CCDC138: variants seen among roughly 807,000 people sequenced by gnomAD.
CCDC138 encodes coiled-coil domain containing 138.
In CCDC138, 66 loss-of-function variants were observed where a neutral mutation model predicts 82.3. The ratio of observed to expected loss-of-function variants is 0.80; its 90% confidence interval spans 0.66 to 0.98. CCDC138 has a LOEUF of 0.98. CCDC138 is among the 50% of genes least tolerant of loss of function. The probability of loss-of-function intolerance (pLI) is 0.00; values close to 1 mark genes in which losing one functional copy is unlikely to be tolerated. For synonymous variants in CCDC138, 297 were observed against 265.4 expected (o/e 1.12, Z -1.16); for missense variants, 816 against 758.9 (o/e 1.08, Z -0.88).
At chr2:108,794,251 C>T (rs1680468957) in intron 4 of CCDC138, among the ~76,000 whole-genome samples, 1 of 152,020 alleles carries the variant, frequency 6.6e-6, no homozygotes, top group African/African-American at 2.4e-5. Flanking sequence ...AGGTTGCTTT[C>T]CATTTCTTGG....
chr2:108,809,196 C>T (rs1683349056), intron 7 of CCDC138, among the ~76,000 whole-genome samples: 1 of 152,124 alleles, frequency 6.6e-6, no homozygotes, highest in Non-Finnish European at 1.5e-5. Flanking sequence ...TATGCCAATA[C>T]TATGCTGTTC....
intron 12 of CCDC138, among the ~76,000 whole-genome samples, chr2:108,849,401 G>A (rs1691043027): frequency 6.6e-6 from 1 of 152,014 alleles, no homozygotes; most frequent in African/African-American, 2.4e-5. Context: ...CTTTTCCTTA[G>A]CCTCCTCTAG....
intron 13 of CCDC138, among the ~76,000 whole-genome samples, chr2:108,872,892 C>T (rs1695497438): frequency 6.6e-6 from 1 of 152,174 alleles, no homozygotes; most frequent in Non-Finnish European, 1.5e-5. Flanking sequence ...CAAGTCTTAA[C>T]TTGTAATAGC....
chr2:108,795,138 T>G (rs1573931019), intron 5 of CCDC138, among the ~76,000 whole-genome samples: 1 of 150,292 alleles, frequency 6.7e-6, no homozygotes, highest in Non-Finnish European at 1.5e-5. Flanking sequence ...GGGTTTTTTG[T>G]TTCTAAAGTG....
chr2:108,805,508 G>A (rs1308360774), intron 7 of CCDC138, among the ~76,000 whole-genome samples: 3 of 151,820 alleles, frequency 2.0e-5, no homozygotes, highest in Admixed American at 6.6e-5. Flanking sequence ...GGCGGATCAC[G>A]AGGTCAGGAG....
At chr2:108,786,950 C>T (rs1191519444) in intron 1 of CCDC138, 35 bp downstream of exon 1, 3 of 1,426,444 alleles carry the variant, frequency 2.1e-6, no homozygotes, top group Non-Finnish European at 1.9e-6. Context: ...GGGTGGGCTC[C>T]TGCTGCTGGG....
intron 10 of CCDC138, among the ~76,000 whole-genome samples, chr2:108,821,184 C>T (rs767024536): frequency 3.9e-5 from 6 of 151,948 alleles, no homozygotes; most frequent in African/African-American, 7.3e-5. Context: ...ATGGTGAAAC[C>T]CCATCTCTAC....
intron 13 of CCDC138, among the ~76,000 whole-genome samples, chr2:108,863,509 G>T (rs1193315108): frequency 1.3e-5 from 2 of 152,166 alleles, no homozygotes; most frequent in Non-Finnish European, 2.9e-5. Context: ...AAACAAGCTG[G>T]GGTGCTCATT....
chr2:108,853,966 AAATATATAT>A (rs1692071016), intron 12 of CCDC138, among the ~76,000 whole-genome samples: 1 of 111,598 alleles, frequency 9.0e-6, no homozygotes, highest in African/African-American at 3.6e-5. Context: ...ATATATAATA[AAATATATAT>A]AATATATAAT....
chr2:108,869,169 C>T (rs571169958), intron 13 of CCDC138, among the ~76,000 whole-genome samples: 129 of 152,140 alleles, frequency 8.5e-4, no homozygotes, highest in Admixed American at 1.4e-3. Context: ...TAAATAGCTA[C>T]AGACAGACTA....
intron 13 of CCDC138, among the ~76,000 whole-genome samples, chr2:108,873,075 G>A (rs931694268): frequency 1.5e-4 from 23 of 151,654 alleles, no homozygotes; most frequent in African/African-American, 5.6e-4. Context: ...TCTTTGATTT[G>A]TTTTTTGTTT....
chr2:108,849,395 T>A (rs1310142073), intron 12 of CCDC138, among the ~76,000 whole-genome samples: 1 of 152,172 alleles, frequency 6.6e-6, no homozygotes, highest in Non-Finnish European at 1.5e-5. Context: ...TATTCCCTTT[T>A]CCTTAGCCTC....
intron 10 of CCDC138, among the ~76,000 whole-genome samples, chr2:108,821,928 C>CAA (rs61088256): frequency 0.017 from 2,170 of 130,752 alleles, 31 homozygotes; most frequent in South Asian, 0.03. Context: ...AACTTTGTCT[C>CAA]AAAAAAAAAA....
Position 108,788,012 on chromosome 2 carries a change from T to C in CCDC138, c.94-20T>C, listed in dbSNP as rs779565319. ...ATTGATTTTTAGTATACAAATTAAA[T>C]CTTTTCTTTTTTTTTTTAGTATGAT... is the stretch of plus-strand genomic sequence containing the variant. On this transcript the variant is annotated intron_variant, in intron 1 of 14. Coordinates refer to ENST00000295124, the MANE Select transcript of CCDC138 (RefSeq NM_144978.3). 6.8e-7 allele frequency: 1 copy of C among 1,476,278 alleles called. No individual in the cohort carries two copies. Among genetic ancestry groups the C allele is most frequent in the Non-Finnish European group, 9.2e-7 (1 of 1,091,184 alleles). The allele number at this position is 1,476,278 out of a possible 1,614,324, so 91.4% of individuals were successfully genotyped here.
chr2:108,797,807 A>G (rs1056060962), intron 5 of CCDC138, among the ~76,000 whole-genome samples: 13 of 152,180 alleles, frequency 8.5e-5, no homozygotes, highest in African/African-American at 3.1e-4. Context: ...TGTATTCCAA[A>G]TTAGTAGAAT....
Position 108,816,105 on chromosome 2 carries a change from G to A in CCDC138, c.1206G>A (p.Lys402=), listed in dbSNP as rs1684756897. Residue 402 remains lysine (K), a splice_region_variant and synonymous_variant, in exon 10 of 15, where the codon AAG becomes AAA. Coordinates refer to ENST00000295124, the MANE Select transcript of CCDC138 (RefSeq NM_144978.3). ...QRNDIQEKCV[K]LLPLMTEQLQ... Reference sequence around the variant, plus strand: ...ATGATATTCAGGAGAAGTGTGTAAAGGTTTGTTTTTTAATTTGAAATATGT... The same window carrying A: ...ATGATATTCAGGAGAAGTGTGTAAAAGTTTGTTTTTTAATTTGAAATATGT... 7 of 1,597,354 alleles carry A rather than the reference G, an allele frequency of 4.4e-6. No individual in the cohort carries two copies. Among genetic ancestry groups the A allele is most frequent in the East Asian group, 2.2e-5 (1 of 44,746 alleles).
intron 13 of CCDC138, among the ~76,000 whole-genome samples, chr2:108,864,772 C>A (rs149083953): frequency 7.1e-6 from 1 of 141,066 alleles, no homozygotes; most frequent in Non-Finnish European, 1.5e-5. Context: ...CCAGCCTGGG[C>A]GACAGAGCGA....
chr2:108,788,794 C>T lies in CCDC138; in HGVS notation c.152-58C>T, dbSNP rs1169460024. The T allele has an allele frequency of 5.0e-6, 8 of 1,605,834 alleles. No homozygotes were observed. In the African/African-American group the frequency reaches 9.4e-5, roughly 19 times the overall value. On this transcript the variant is annotated intron_variant, in intron 2 of 14. Transcript: ENST00000295124. ...TATTATTTAGACTTATGGCCAGTGCCAGATATTTTGTGATATATTGTTGTG... is the reference window on the plus strand; with the variant it reads ...TATTATTTAGACTTATGGCCAGTGCTAGATATTTTGTGATATATTGTTGTG...
At chr2:108,853,844 T>C (rs1157758939) in intron 12 of CCDC138, among the ~76,000 whole-genome samples, 1 of 131,302 alleles carries the variant, frequency 7.6e-6, no homozygotes, top group East Asian at 2.0e-4. Flanking sequence ...ATATGCAATA[T>C]ATATATACTA....
Sources: allele counts gnomAD v4.1 joint callset (sites outside exome capture counted in the v4.1 genomes callset), GRCh38; gene constraint gnomAD v4.1.1; transcripts MANE v1.5; gene names NCBI Gene and HGNC (gene_info 2026-07-23, HGNC 2026-07-21).